Variants in RPH3A observed in about 807,000 individuals in gnomAD.
The protein encoded by RPH3A is rabphilin 3A, also known as rabphilin-3A.
In RPH3A, 48 loss-of-function variants were observed where a neutral mutation model predicts 102.2. The observed-to-expected ratio is 0.47, with a 90% CI of 0.37 to 0.60. RPH3A has a LOEUF of 0.60. Ranked by LOEUF, RPH3A falls within the 20% of genes least tolerant of loss-of-function variation. The pLI is 0.00. For synonymous variants in RPH3A, 310 were observed against 324.3 expected (o/e 0.96, Z 0.47); for missense variants, 781 against 910.1 (o/e 0.86, Z 1.83).
chr12:112,720,057 T>A (rs2040540590), intron 1 of RPH3A, among the ~76,000 whole-genome samples: 1 of 152,264 alleles, frequency 6.6e-6, no homozygotes, highest in African/African-American at 2.4e-5. Flanking sequence ...TATTTCAGGC[T>A]CATTCTGCAC....
chr12:112,789,783 T>A (rs754148718), upstream of RPH3A, among the ~76,000 whole-genome samples: 1 of 148,750 alleles, frequency 6.7e-6, no homozygotes, highest in South Asian at 2.1e-4. Context: ...ACCATCATGA[T>A]GACAATTACT....
rs74858109 is a variant in RPH3A at position 112,674,409 on chromosome 12, C to A, written c.-140+99090C>A. ...TTCTGGCTTCGTGTGCCACCCTCAC[C>A]CCCAAGTCACTACGACCTCTTGTAC... is the stretch of plus-strand genomic sequence containing the variant. On this transcript the variant is annotated intron_variant, in intron 1 of 21. Transcript: ENST00000543106. 7.0e-3 allele frequency among the ~76,000 whole-genome samples: 1,072 copies of A among 152,254 alleles called. 13 individuals carry two copies. Among genetic ancestry groups the A allele is most frequent in the African/African-American group, 0.024 (1,013 of 41,530 alleles).
intron 1 of RPH3A, chr12:112,717,923 C>T (rs1240075537): frequency 2.0e-5 from 3 of 152,112 alleles, no homozygotes; most frequent in African/African-American, 7.2e-5. Context: ...TTGATAGTCA[C>T]TTTAATAGAC....
chr12:112,654,181 T>G (rs548199901), intron 1 of RPH3A, among the ~76,000 whole-genome samples: 1 of 152,286 alleles, frequency 6.6e-6, no homozygotes, highest in East Asian at 1.9e-4. Context: ...CCTGGGGGGT[T>G]TGCTTGGTTT....
At chr12:112,699,923 A>C (rs903419445) in intron 1 of RPH3A, among the ~76,000 whole-genome samples, 1 of 152,238 alleles carries the variant, frequency 6.6e-6, no homozygotes, top group Non-Finnish European at 1.5e-5. Context: ...TATCCATTTC[A>C]TGATCTCTAA....
chr12:112,826,565 G>A (rs2041877268), intron 2 of RPH3A, among the ~76,000 whole-genome samples: 1 of 152,084 alleles, frequency 6.6e-6, no homozygotes, highest in East Asian at 1.9e-4. Flanking sequence ...CCCCATGGAG[G>A]CCCCCTTCTG....
chr12:112,711,928 G>A (rs1480133497), intron 1 of RPH3A, among the ~76,000 whole-genome samples: 5 of 152,118 alleles, frequency 3.3e-5, no homozygotes, highest in Admixed American at 2.6e-4. Context: ...TGCCTCCCGG[G>A]TTCAAGCAAT....
rs182064035 is a variant in RPH3A, at chr12:112,817,579, C to T, written c.-18-10722C>T. Among the ~76,000 whole-genome samples the T allele has an allele frequency of 2.3e-4, 35 of 152,042 alleles. No individual in the cohort carries two copies. The East Asian group carries it at 6.2e-3, about 27-fold the overall frequency. On this transcript the variant is annotated intron_variant, in intron 2 of 21. Transcript: ENST00000389385. ...GTGTGTGTGCACCCCCCACCCCCCG[C>T]ACACGCAGCCTTTTTAGAGGAGGGA...
chr12:112,890,560 G>C (rs1252794018), intron 18 of RPH3A, among the ~76,000 whole-genome samples: 1 of 152,218 alleles, frequency 6.6e-6, no homozygotes, highest in Non-Finnish European at 1.5e-5. Flanking sequence ...TCCTGGGTTA[G>C]AGCCAAAGCC....
At chr12:112,885,160 C>T (rs1433840913) in intron 16 of RPH3A, among the ~76,000 whole-genome samples, 2 of 152,180 alleles carry the variant, frequency 1.3e-5, no homozygotes, top group Non-Finnish European at 2.9e-5. Context: ...ACAAATAGTG[C>T]TGCTAGGAAC....
At chr12:112,715,563 ATAT>A (rs1363289545) in intron 1 of RPH3A, among the ~76,000 whole-genome samples, 1 of 152,154 alleles carries the variant, frequency 6.6e-6, no homozygotes, top group East Asian at 1.9e-4. Flanking sequence ...AGGTCTTAGG[ATAT>A]TATTTGCATT....
In RPH3A at chr12:112,896,653, G is replaced by C. The variant is rs1256225547; in HGVS notation, c.1958G>C (p.Gly653Ala). 6.2e-7 allele frequency: 1 copy of C among 1,613,938 alleles called. No homozygotes were observed. Among genetic ancestry groups the C allele is most frequent in the African/African-American group, 1.3e-5 (1 of 74,888 alleles). The stretch of plus-strand genomic sequence containing the variant: ...TATCTTCCCATTTATCCTCCAGGAG[G>C]CTGCCAGCTGGGGATCTCTGCCAAG... ...DIGKSNDYIG[G>A]CQLGISAKGE... The change falls in exon 22 of 22, where the codon GGC (glycine) becomes GCC (alanine). Residue 653 changes from glycine to alanine, a missense_variant. This residue lies in a region of RPH3A where 51 missense variants were observed against 100.1 expected (regional missense o/e 0.51). Coordinates refer to ENST00000389385, the MANE Select transcript of RPH3A (RefSeq NM_001143854.2).
At chr12:112,693,861 A>G (rs1324918045) in intron 1 of RPH3A, among the ~76,000 whole-genome samples, 6 of 152,250 alleles carry the variant, frequency 3.9e-5, no homozygotes, top group African/African-American at 9.6e-5. Context: ...TTGTTGGAAC[A>G]TAAGCTTCAG....
chr12:112,702,891 T>A (rs1048467849), intron 1 of RPH3A, among the ~76,000 whole-genome samples: 1 of 152,244 alleles, frequency 6.6e-6, no homozygotes, highest in Non-Finnish European at 1.5e-5. Context: ...GTGTGGTGGA[T>A]TGAAGATCAC....
intron 2 of RPH3A, among the ~76,000 whole-genome samples, chr12:112,794,841 C>A (rs2041198661): frequency 1.3e-5 from 2 of 152,220 alleles, no homozygotes. Context: ...GCTCCAGCAG[C>A]CCCTACTCCC....
At chr12:112,614,794 T>C (rs900003027) in intron 1 of RPH3A, among the ~76,000 whole-genome samples, 1 of 151,944 alleles carries the variant, frequency 6.6e-6, no homozygotes, top group Non-Finnish European at 1.5e-5. Flanking sequence ...AGTACTATTA[T>C]TATCTTTAGA....
chr12:112,799,671 C>A (rs1052606030), intron 2 of RPH3A, among the ~76,000 whole-genome samples: 3 of 152,138 alleles, frequency 2.0e-5, no homozygotes, highest in South Asian at 2.1e-4. Context: ...GGGCAGGAGA[C>A]TTACTCCCTT....
At chr12:112,748,218 T>A (rs144818041) in intron 1 of RPH3A, among the ~76,000 whole-genome samples, 2 of 152,348 alleles carry the variant, frequency 1.3e-5, no homozygotes, top group East Asian at 3.9e-4. Flanking sequence ...CTCTAGTGCC[T>A]GATGCACAGC....
At chr12:112,632,274 T>C (rs2039812697) in intron 1 of RPH3A, among the ~76,000 whole-genome samples, 3 of 152,236 alleles carry the variant, frequency 2.0e-5, no homozygotes, top group African/African-American at 7.2e-5. Flanking sequence ...CAGTCTCAGG[T>C]ATGTCTTTAT....
Sources: gnomAD v4.1 joint callset for allele counts (sites outside exome capture counted in the v4.1 genomes callset) on GRCh38, gnomAD v4.1.1 for gene constraint, gnomAD v4.1.1 regional missense constraint, MANE v1.5 for transcripts, NCBI Gene and HGNC (gene_info 2026-07-23, HGNC 2026-07-21) for gene names.